Variants in ATP8A2 observed in about 807,000 individuals in gnomAD.
ATP8A2 encodes phospholipid-transporting ATPase IB.
In ATP8A2, 100 loss-of-function variants were observed where a neutral mutation model predicts 165.6. The observed-to-expected ratio is 0.60, with a 90% CI of 0.51 to 0.71. The LOEUF (loss-of-function observed/expected upper bound fraction) is 0.71, where lower values mean the gene tolerates loss of function less well. ATP8A2 is among the 30% of genes least tolerant of loss of function. The pLI is 0.00. For missense variants in ATP8A2, 1,227 were observed against 1,479.5 expected, an observed-to-expected ratio of 0.83 and a Z score of 2.80; for synonymous variants, 543 against 548.8, an observed-to-expected ratio of 0.99 and a Z score of 0.15.
chr13:25,691,987 A>G (rs2042734787), intron 24 of ATP8A2, among the ~76,000 whole-genome samples: 1 of 152,210 alleles, frequency 6.6e-6, no homozygotes, highest in African/African-American at 2.4e-5. Context: ...TATGTTGGAA[A>G]TGAACATGAT....
At position 25,916,590 on chromosome 13, in the gene ATP8A2, C is replaced by T. The variant is rs139034688; in HGVS notation, c.3184-44985C>T. Among the ~76,000 whole-genome samples the T allele has an allele frequency of 1.3e-3, 205 of 152,306 alleles. 2 individuals are homozygous for T. The highest frequency in any genetic ancestry group is 1.3e-4 in the Non-Finnish European group (9 of 68,030). ...ATCGCGTCGGCTGTGCCATGGGATCCAATGTTTGATGTACGTGGTCCAGCG... is the reference window on the plus strand; with the variant it reads ...ATCGCGTCGGCTGTGCCATGGGATCTAATGTTTGATGTACGTGGTCCAGCG... On this transcript the variant is annotated intron_variant, in intron 33 of 36. Transcript: ENST00000381655.
Position 25,577,115 on chromosome 13 carries a change from C to CT in ATP8A2, c.1761dup (p.Arg588SerfsTer5), listed in dbSNP as rs1156904586. 3 of 1,613,836 alleles carry CT rather than the reference C, an allele frequency of 1.9e-6. No individual in the cohort carries two copies. The highest frequency in any genetic ancestry group is 1.7e-6 in the Non-Finnish European group (2 of 1,179,922). ...AATTGTTCGAACTCCTTCAGGACGA[C>CT]TTCGGCTTTACTGTAAAGGGGCTGT... On this transcript the variant is annotated frameshift_variant, in exon 20 of 37. Transcript: ENST00000381655. LOFTEE classifies it high-confidence loss of function.
At chr13:25,742,393 G>A (rs1280121031) in intron 25 of ATP8A2, among the ~76,000 whole-genome samples, 2 of 151,650 alleles carry the variant, frequency 1.3e-5, no homozygotes, top group East Asian at 3.9e-4. Flanking sequence ...TCTTAATGTA[G>A]GCAAAGACCA....
At chr13:25,814,098 G>GACACACACACACACAC (rs59562535) in intron 27 of ATP8A2, among the ~76,000 whole-genome samples, 2 of 149,418 alleles carry the variant, frequency 1.3e-5, no homozygotes, top group Non-Finnish European at 3.0e-5. Flanking sequence ...CACACATACA[G>GACACACACACACACAC]ACACACACAC....
At chr13:25,893,114 T>C (rs1424644041) in intron 33 of ATP8A2, among the ~76,000 whole-genome samples, 1 of 151,818 alleles carries the variant, frequency 6.6e-6, no homozygotes, top group East Asian at 1.9e-4. Flanking sequence ...GTTTGTTACA[T>C]ATGTATACAT....
At chr13:25,378,798 C>T (rs984692194) in intron 1 of ATP8A2, among the ~76,000 whole-genome samples, 7 of 152,172 alleles carry the variant, frequency 4.6e-5, no homozygotes, top group African/African-American at 7.2e-5. Context: ...CCTGATACTG[C>T]GCCACTGATG....
chr13:25,453,970 GA>G (rs1407597820), intron 1 of ATP8A2, among the ~76,000 whole-genome samples: 2 of 152,196 alleles, frequency 1.3e-5, no homozygotes, highest in Non-Finnish European at 2.9e-5. Flanking sequence ...GATGAGTGGG[GA>G]GGGCTGTGGC....
chr13:25,832,127 G>T (rs1951494271), intron 28 of ATP8A2, among the ~76,000 whole-genome samples: 1 of 151,900 alleles, frequency 6.6e-6, no homozygotes, highest in African/African-American at 2.4e-5. Context: ...TTTTAATAGA[G>T]ACGGGGTTTC....
intron 27 of ATP8A2, among the ~76,000 whole-genome samples, chr13:25,794,820 T>TACACACACACAC (rs3053488): frequency 0.045 from 6,294 of 139,460 alleles, 189 homozygotes; most frequent in Middle Eastern, 0.064. Flanking sequence ...TTCCCTCTCC[T>TACACACACACAC]ACACACACAC....
chr13:25,870,358 A>G (rs1952641154), intron 33 of ATP8A2, among the ~76,000 whole-genome samples: 1 of 152,078 alleles, frequency 6.6e-6, no homozygotes. Flanking sequence ...AGGAAAATAA[A>G]AATGCCTGTC....
At chr13:25,706,504 C>T (rs529650843) in intron 25 of ATP8A2, among the ~76,000 whole-genome samples, 200 of 152,244 alleles carry the variant, frequency 1.3e-3, no homozygotes, top group Admixed American at 5.8e-3. Flanking sequence ...GAAATCAGAA[C>T]GTTATGCATT....
At chr13:25,595,735 A>G (rs967164466) in intron 24 of ATP8A2, among the ~76,000 whole-genome samples, 1 of 152,082 alleles carries the variant, frequency 6.6e-6, no homozygotes. Flanking sequence ...TCCTCACCCT[A>G]CTAATCGTAC....
intron 33 of ATP8A2, among the ~76,000 whole-genome samples, chr13:25,899,635 C>A (rs571019010): frequency 6.6e-6 from 1 of 152,108 alleles, no homozygotes; most frequent in Non-Finnish European, 1.5e-5. Context: ...GCGGAGGACA[C>A]AGAGCATGGT....
intron 24 of ATP8A2, among the ~76,000 whole-genome samples, chr13:25,674,338 A>G (rs1223383627): frequency 1.3e-5 from 2 of 151,902 alleles, no homozygotes; most frequent in Non-Finnish European, 2.9e-5. Context: ...TCAACCATGT[A>G]TGAAAGTGAG....
At chr13:25,541,262 A>G (rs1313234388) in intron 8 of ATP8A2, among the ~76,000 whole-genome samples, 1 of 152,120 alleles carries the variant, frequency 6.6e-6, no homozygotes, top group Non-Finnish European at 1.5e-5. Flanking sequence ...TTCTATCCAT[A>G]TATCTTTCTT....
At chr13:25,902,939 GCACACACACACA>G (rs3221410) in intron 33 of ATP8A2, among the ~76,000 whole-genome samples, 12 of 140,442 alleles carry the variant, frequency 8.5e-5, no homozygotes, top group African/African-American at 1.6e-4. Flanking sequence ...TCCTCAGCAT[GCACACACACACA>G]CACACACACA....
intron 35 of ATP8A2, among the ~76,000 whole-genome samples, chr13:25,978,717 G>A (rs1956114519): frequency 6.6e-6 from 1 of 152,086 alleles, no homozygotes; most frequent in Non-Finnish European, 1.5e-5. Flanking sequence ...TGAGGCGGGC[G>A]GATCACGAGG....
intron 25 of ATP8A2, among the ~76,000 whole-genome samples, chr13:25,703,628 CAT>C (rs748576619): frequency 1.3e-5 from 2 of 152,160 alleles, no homozygotes; most frequent in Non-Finnish European, 2.9e-5. Context: ...AAAGTAGTGA[CAT>C]GTGCTACAAT....
intron 28 of ATP8A2, among the ~76,000 whole-genome samples, chr13:25,830,920 A>C (rs1196108769): frequency 6.6e-6 from 1 of 152,218 alleles, no homozygotes; most frequent in African/African-American, 2.4e-5. Context: ...AACATTTAAC[A>C]TGGATTTAAT....
Sources: gnomAD v4.1 joint callset for allele counts (sites outside exome capture counted in the v4.1 genomes callset) on GRCh38, gnomAD v4.1.1 for gene constraint, MANE v1.5 for transcripts, NCBI Gene and HGNC (gene_info 2026-07-23, HGNC 2026-07-21) for gene names.